GNAQ: variants seen among roughly 807,000 people sequenced by gnomAD.
GNAQ encodes the protein G protein subunit alpha q, also known as guanine nucleotide-binding protein G(q) subunit alpha.
A neutral mutation model predicts 43.9 loss-of-function variants in GNAQ; 8 were observed. The ratio of observed to expected loss-of-function variants is 0.18; its 90% confidence interval spans 0.11 to 0.33. The LOEUF (loss-of-function observed/expected upper bound fraction) is 0.33. Ranked by LOEUF, GNAQ falls within the 10% of genes least tolerant of loss-of-function variation. GNAQ has a pLI of 1.00. For missense variants in GNAQ, 158 were observed against 450.8 expected (o/e 0.35, Z 5.88); for synonymous variants, 155 against 170.7 (o/e 0.91, Z 0.71).
chr9:77,863,179 A>AAGGAAGGAAGG (rs1827883795), intron 2 of GNAQ, among the ~76,000 whole-genome samples: 105 of 130,114 alleles, frequency 8.1e-4, no homozygotes, highest in East Asian at 1.1e-3. Context: ...CGTATGAAAG[A>AAGGAAGGAAGG]AAGGAAGGAA....
chr9:77,838,884 G>C (rs1425071311), intron 2 of GNAQ, among the ~76,000 whole-genome samples: 3 of 151,910 alleles, frequency 2.0e-5, no homozygotes, highest in African/African-American at 7.3e-5. Context: ...ATTCTGAAGA[G>C]AAGATGATTT....
In GNAQ at chr9:77,986,761, C is replaced by G. The variant is rs1301816859; in HGVS notation, c.136+44339G>C. ...GGCTCAATCTTCTCACCTTGGCCTC[C>G]CAAAGTGCTGGGATTACAAGAATGA... is the stretch of plus-strand genomic sequence containing the variant. On this transcript the variant is annotated intron_variant, in intron 1 of 6. Transcript: ENST00000286548. 2.0e-5 allele frequency among the ~76,000 whole-genome samples: 3 copies of G among 151,230 alleles called. No individual in the cohort carries two copies. In the East Asian group the frequency reaches 5.8e-4, roughly 29 times the overall value.
In GNAQ at chr9:77,788,985, CTA is replaced by C. The variant is rs1826526009; in HGVS notation, c.735+5476_735+5477del. On this transcript the variant is annotated intron_variant, in intron 5 of 6. Coordinates refer to ENST00000286548, the MANE Select transcript of GNAQ (RefSeq NM_002072.5). ...TACCTGAAGAAGCTAATTTGAGTAA[CTA>C]TTTCTTTTTTATGTTAAGGACACAG... Among the ~76,000 whole-genome samples the C allele has an allele frequency of 2.0e-5, 3 of 152,142 alleles. No homozygotes were observed. In the South Asian group the frequency reaches 6.2e-4, roughly 31 times the overall value.
chr9:77,962,488 T>C (rs1467731914), intron 1 of GNAQ, among the ~76,000 whole-genome samples: 1 of 151,972 alleles, frequency 6.6e-6, no homozygotes, highest in Non-Finnish European at 1.5e-5. Context: ...AAAAACACTT[T>C]CAATATGAAG....
At chr9:77,790,331 T>C (rs1197029027) in intron 5 of GNAQ, among the ~76,000 whole-genome samples, 1 of 152,192 alleles carries the variant, frequency 6.6e-6, no homozygotes, top group Admixed American at 6.5e-5. Context: ...CTGAAGAAAA[T>C]TCCCAAAAGC....
At chr9:77,922,069 C>T (rs1829004952) in intron 2 of GNAQ, 92 bp downstream of exon 2, 2 of 799,614 alleles carry the variant, frequency 2.5e-6, no homozygotes, top group East Asian at 2.5e-5. Flanking sequence ...CCCCTATGCA[C>T]TCCAGACATG....
chr9:77,989,122 T>C (rs1238525723), intron 1 of GNAQ, among the ~76,000 whole-genome samples: 3 of 152,334 alleles, frequency 2.0e-5, no homozygotes, highest in Non-Finnish European at 2.9e-5. Flanking sequence ...CAACATTCTC[T>C]TTACAGAAAT....
At chr9:77,726,066 T>C (rs979820115) in intron 6 of GNAQ, among the ~76,000 whole-genome samples, 2 of 152,158 alleles carry the variant, frequency 1.3e-5, no homozygotes, top group Non-Finnish European at 2.9e-5. Context: ...AGCCAGATGT[T>C]TCATGCCTAC....
At chr9:77,880,333 G>T (rs1828188206) in intron 2 of GNAQ, among the ~76,000 whole-genome samples, 1 of 152,056 alleles carries the variant, frequency 6.6e-6, no homozygotes. Flanking sequence ...TTCTCACACA[G>T]GTAAGACAGC....
intron 5 of GNAQ, among the ~76,000 whole-genome samples, chr9:77,756,420 T>C (rs764235577): frequency 6.6e-6 from 1 of 152,236 alleles, no homozygotes; most frequent in African/African-American, 2.4e-5. Flanking sequence ...TCCAGATGTG[T>C]TTCTCCTTTG....
intron 1 of GNAQ, among the ~76,000 whole-genome samples, chr9:77,962,950 T>C (rs571881298): frequency 5.4e-5 from 8 of 147,658 alleles, no homozygotes; most frequent in African/African-American, 1.7e-4. Context: ...GAAAAAACTA[T>C]GCATGGATTT....
chr9:77,892,022 A>AC lies in GNAQ; in HGVS notation c.321+30138dup, dbSNP rs544637641. ...AGCCAAGATTCTGTAACCAGAAAGC[A>AC]CCCCCCAGATTGTTTTTTTGTTTGT... On this transcript the variant is annotated intron_variant, in intron 2 of 6. Transcript: ENST00000286548. Among the ~76,000 whole-genome samples the AC allele has an allele frequency of 3.0e-3, 462 of 152,038 alleles. 6 individuals carry two copies. Among genetic ancestry groups the AC allele is most frequent in the African/African-American group, 0.01 (428 of 41,492 alleles).
chr9:77,997,125 A>C (rs1342568414), intron 1 of GNAQ, among the ~76,000 whole-genome samples: 2 of 152,246 alleles, frequency 1.3e-5, no homozygotes, highest in African/African-American at 2.4e-5. Flanking sequence ...TCAAGATTCA[A>C]ACCCAGGCTA....
intron 5 of GNAQ, among the ~76,000 whole-genome samples, chr9:77,736,616 A>G (rs183468988): frequency 4.6e-4 from 70 of 152,302 alleles, no homozygotes; most frequent in Admixed American, 1.4e-3. Context: ...TTACTAAGCA[A>G]TAAGTCGCGG....
intron 1 of GNAQ, among the ~76,000 whole-genome samples, chr9:77,994,897 C>G (rs1489560883): frequency 2.0e-5 from 3 of 152,210 alleles, no homozygotes; most frequent in Non-Finnish European, 4.4e-5. Flanking sequence ...AGTTTCTCCA[C>G]TTTCTAGGTA....
At chr9:77,764,460 T>C (rs1173097196) in intron 5 of GNAQ, among the ~76,000 whole-genome samples, 1 of 139,392 alleles carries the variant, frequency 7.2e-6, no homozygotes, top group South Asian at 2.2e-4. Flanking sequence ...CTGAAAATAC[T>C]TTTTTTTTTT....
rs538020035 is a variant in GNAQ, at chr9:77,718,255, G to A, written c.*3068C>T. On this transcript the variant is annotated 3_prime_UTR_variant, in exon 7 of 7. Coordinates refer to ENST00000286548, the MANE Select transcript of GNAQ (RefSeq NM_002072.5). ...CCAGTGGCACACGCTTATAACGCTT[G>A]CAATCACAATATAATATAAAGCATG... 4.3e-6 allele frequency: 1 copy of A among 232,534 alleles called. No homozygotes were observed. Among genetic ancestry groups the A allele is most frequent in the African/African-American group, 2.2e-5 (1 of 45,306 alleles). The allele number at this position is 232,534 out of a possible 1,614,324, so 14.4% of individuals were successfully genotyped here.
intron 5 of GNAQ, among the ~76,000 whole-genome samples, chr9:77,762,588 T>C (rs1224249521): frequency 6.7e-6 from 1 of 148,894 alleles, no homozygotes; most frequent in Non-Finnish European, 1.5e-5. Context: ...CCACCCCATC[T>C]GGGAGGTGTG....
intron 3 of GNAQ, among the ~76,000 whole-genome samples, chr9:77,798,526 G>A (rs946779276): frequency 6.6e-6 from 1 of 152,116 alleles, no homozygotes; most frequent in Admixed American, 6.6e-5. Context: ...ATACTCATAT[G>A]CTATATATTG....
Sources: allele counts gnomAD v4.1 joint callset (sites outside exome capture counted in the v4.1 genomes callset), GRCh38; gene constraint gnomAD v4.1.1; transcripts MANE v1.5; gene names NCBI Gene and HGNC (gene_info 2026-07-23, HGNC 2026-07-21).